Variants in WRNIP1 observed in about 807,000 individuals in gnomAD.
WRNIP1 encodes WRN helicase interacting protein 1, also known as ATPase WRNIP1.
In WRNIP1, 41 loss-of-function variants were observed where a neutral mutation model predicts 56.1. The ratio of observed to expected loss-of-function variants is 0.73; its 90% CI spans 0.57 to 0.95. WRNIP1 has a LOEUF of 0.95. WRNIP1 is among the 40% of genes least tolerant of loss of function. WRNIP1 has a pLI of 0.00. For synonymous variants in WRNIP1, 547 were observed against 398.1 expected (o/e 1.37, Z -4.45); for missense variants, 1,170 against 939.4 (o/e 1.25, Z -3.21).
intron 1 of WRNIP1, 26 bp from the exon 2 acceptor site, chr6:2,768,665 A>T: frequency 4.5e-6 from 7 of 1,562,300 alleles, no homozygotes; most frequent in Non-Finnish European, 6.1e-6. Flanking sequence ...CAGCTTTTCA[A>T]ACTCCATGTA....
chr6:2,772,050 C>A (rs1765300944), intron 3 of WRNIP1, among the ~76,000 whole-genome samples: 1 of 151,860 alleles, frequency 6.6e-6, no homozygotes, highest in African/African-American at 2.4e-5. Flanking sequence ...ACTCAGATAC[C>A]CTCAGGTTTT....
intron 5 of WRNIP1, among the ~76,000 whole-genome samples, chr6:2,783,864 G>A (rs905932087): frequency 2.6e-5 from 4 of 152,030 alleles, no homozygotes; most frequent in Admixed American, 2.0e-4. Flanking sequence ...TGCAATAGAT[G>A]AGCTGCTTTT....
chr6:2,766,464 T>C lies in WRNIP1; in HGVS notation c.822+20T>C, dbSNP rs967602146. ...GGCAAGGTGAGTGCGGCCTTGGCCG[T>C]TGGGCTTCCGTAGTTATCTCGGCGG... On this transcript the variant is annotated intron_variant, in intron 1 of 6. Transcript: ENST00000380773. 3.0e-5 allele frequency: 45 copies of C among 1,495,690 alleles called. No individual in the cohort carries two copies. The highest frequency in any genetic ancestry group is 3.9e-5 in the Non-Finnish European group (43 of 1,109,934). 92.7% of individuals were successfully genotyped at this position (1,495,690 alleles called of 1,614,324 possible).
intron 3 of WRNIP1, chr6:2,773,400 T>C (rs1765356094): frequency 1.0e-6 from 1 of 985,266 alleles, no homozygotes. Flanking sequence ...TGAAATCCAG[T>C]ATTTCACCTC....
intron 3 of WRNIP1, chr6:2,773,693 C>T (rs1765364311): frequency 2.0e-6 from 2 of 985,304 alleles, no homozygotes; most frequent in Non-Finnish European, 2.4e-6. Context: ...AGCATTTCGT[C>T]ATCCTGCACT....
At chr6:2,770,470 G>A (rs889800015) in intron 3 of WRNIP1, 109 bp downstream of exon 3, 1 of 1,440,998 alleles carries the variant, frequency 6.9e-7, no homozygotes, top group East Asian at 2.4e-5. Context: ...GGACAGAGAA[G>A]AAATGTTGAT....
At chr6:2,782,148 G>T (rs145907009) in intron 4 of WRNIP1, among the ~76,000 whole-genome samples, 12 of 152,356 alleles carry the variant, frequency 7.9e-5, no homozygotes, top group African/African-American at 2.4e-4. Flanking sequence ...CCTCCACCCT[G>T]CAGAGGAGCA....
chr6:2,777,140 C>T (rs573195708), intron 3 of WRNIP1, among the ~76,000 whole-genome samples: 1 of 152,104 alleles, frequency 6.6e-6, no homozygotes, highest in Non-Finnish European at 1.5e-5. Context: ...TCTCTCAGTG[C>T]TGGAAATATG....
rs528317955 is a variant in WRNIP1 at position 2,765,685 on chromosome 6, C to T, written c.63C>T (p.Pro21=). The T allele has an allele frequency of 1.2e-5, 18 of 1,550,710 alleles. No homozygotes were observed. The highest frequency in any genetic ancestry group is 1.4e-5 in the African/African-American group (1 of 70,504). The change falls in exon 1 of 7, where the codon CCC becomes CCT. Residue 21 remains proline, a synonymous_variant. Transcript: ENST00000380773. ...CGCAGCTGCACCAGGTGCAGTGCCC[C>T]GTGTGCCAGCAGATGATGCCCGCCG... The part of the protein sequence containing the change: ...FLSQLHQVQC[P]VCQQMMPAAH...
intron 3 of WRNIP1, among the ~76,000 whole-genome samples, chr6:2,772,248 A>G (rs1295207461): frequency 6.6e-6 from 1 of 152,384 alleles, no homozygotes; most frequent in East Asian, 1.9e-4. Context: ...AAACTGATAT[A>G]ACAATGAGCT....
At chr6:2,783,171 C>T (rs1232477090) in intron 4 of WRNIP1, among the ~76,000 whole-genome samples, 5 of 152,160 alleles carry the variant, frequency 3.3e-5, no homozygotes, top group East Asian at 3.8e-4. Context: ...CACTCCATGT[C>T]GACAGCCACA....
intron 4 of WRNIP1, 141 bp from the exon 5 acceptor site, chr6:2,783,265 A>T: frequency 1.2e-6 from 1 of 863,344 alleles, no homozygotes; most frequent in Non-Finnish European, 1.7e-6. Flanking sequence ...GAGCACGGTT[A>T]AGGCAGCTGC....
chr6:2,780,395 G>A (rs949138020), intron 4 of WRNIP1, among the ~76,000 whole-genome samples: 9 of 152,334 alleles, frequency 5.9e-5, no homozygotes, highest in Admixed American at 1.3e-4. Flanking sequence ...CTGCCTCTTC[G>A]TGGGTGAGCA....
intron 3 of WRNIP1, chr6:2,774,172 A>T (rs575570696): frequency 1.0e-6 from 1 of 985,326 alleles, no homozygotes; most frequent in East Asian, 1.1e-4. Flanking sequence ...AAGTACATTA[A>T]TACAGTACAT....
At chr6:2,771,047 T>TA (rs1341956311) in intron 3 of WRNIP1, among the ~76,000 whole-genome samples, 4 of 152,238 alleles carry the variant, frequency 2.6e-5, no homozygotes, top group Non-Finnish European at 4.4e-5. Flanking sequence ...TCCTTTTTTT[T>TA]AATATTAGAA....
intron 5 of WRNIP1, among the ~76,000 whole-genome samples, chr6:2,783,818 A>C (rs1245388054): frequency 6.6e-6 from 1 of 151,976 alleles, no homozygotes; most frequent in East Asian, 1.9e-4. Flanking sequence ...CCTCTTCGGG[A>C]ATGTTTTTAC....
rs1300911651 is a variant in WRNIP1, at chr6:2,773,962, G to A, written c.1256+3601G>A. 3 of 985,134 alleles carry A rather than the reference G, an allele frequency of 3.0e-6. No individual in the cohort carries two copies. The East Asian group carries it at 3.4e-4, about 112-fold the overall frequency. 61.0% of individuals were successfully genotyped at this position (985,134 alleles called of 1,614,324 possible). A position where few individuals can be genotyped will look rare whatever the true frequency, so the allele number is the denominator to read the frequency against. On this transcript the variant is annotated intron_variant, in intron 3 of 6. Coordinates refer to ENST00000380773, the MANE Select transcript of WRNIP1 (RefSeq NM_020135.3). The stretch of plus-strand genomic sequence containing the variant: ...GTGTGGGGCTTTTCTCTAATCATCT[G>A]GAGAGGAGAGCCCCTGACAAGCTGG...
At chr6:2,782,889 CAGA>C (rs1765597046) in intron 4 of WRNIP1, among the ~76,000 whole-genome samples, 2 of 152,292 alleles carry the variant, frequency 1.3e-5, no homozygotes, top group Admixed American at 6.5e-5. Context: ...CCAAGGCTGG[CAGA>C]AGGAGGTTTA....
chr6:2,782,747 A>T (rs1288376542), intron 4 of WRNIP1, among the ~76,000 whole-genome samples: 2 of 152,154 alleles, frequency 1.3e-5, no homozygotes, highest in African/African-American at 4.8e-5. Flanking sequence ...CACTGATTTC[A>T]TGTGAATCTA....
Sources: gnomAD v4.1 joint callset for allele counts (sites outside exome capture counted in the v4.1 genomes callset) on GRCh38, gnomAD v4.1.1 for gene constraint, MANE v1.5 for transcripts, NCBI Gene and HGNC (gene_info 2026-07-23, HGNC 2026-07-21) for gene names.